The following NCAM2 variants were observed in gnomAD, a reference collection of about 807,000 sequenced individuals.
NCAM2 encodes the protein neural cell adhesion molecule 2, also known as N-CAM-2.
A neutral mutation model predicts 98.1 loss-of-function variants in NCAM2; 30 were observed. That is an observed-to-expected ratio of 0.31 (90% CI 0.23 to 0.41). NCAM2 has a LOEUF of 0.41. NCAM2 is among the 10% of genes least tolerant of loss of function. The pLI, the probability that NCAM2 is intolerant of heterozygous loss-of-function variation, is 1.00. For synonymous variants in NCAM2, 368 were observed against 342.4 expected (o/e 1.07, Z -0.83); for missense variants, 867 against 1,005.8 (o/e 0.86, Z 1.87).
chr21:21,072,021 T>A (rs1012482742), intron 1 of NCAM2, among the ~76,000 whole-genome samples: 1 of 151,996 alleles, frequency 6.6e-6, no homozygotes, highest in African/African-American at 2.4e-5. Context: ...CACGCCATTC[T>A]CCTGCCTCAG....
intron 1 of NCAM2, among the ~76,000 whole-genome samples, chr21:21,243,738 T>C (rs2071158047): frequency 6.6e-6 from 1 of 152,164 alleles, no homozygotes; most frequent in Non-Finnish European, 1.5e-5. Flanking sequence ...AAATCCATAT[T>C]GCATCCACTA....
intron 1 of NCAM2, among the ~76,000 whole-genome samples, chr21:21,012,758 C>T (rs545965173): frequency 4.6e-5 from 7 of 152,076 alleles, no homozygotes; most frequent in South Asian, 4.2e-4. Flanking sequence ...GCAAATCTAT[C>T]GGCCTCATTT....
At position 21,410,261 on chromosome 21, in the gene NCAM2, T is replaced by C; in HGVS notation, c.1196-13T>C. The C allele has an allele frequency of 7.3e-7, 1 of 1,363,164 alleles. No individual in the cohort carries two copies. Among genetic ancestry groups the C allele is most frequent in the Non-Finnish European group, 9.8e-7 (1 of 1,022,962 alleles). 84.4% of individuals were successfully genotyped at this position (1,363,164 alleles called of 1,614,324 possible). On this transcript the variant is annotated splice_polypyrimidine_tract_variant and intron_variant, in intron 9 of 17. Coordinates refer to ENST00000400546, the MANE Select transcript of NCAM2 (RefSeq NM_004540.5). ...GAAAATGCCTATAATTATTTTATTA[T>C]ATTGTATTACAGATGCCCCCAAGTT...
At chr21:21,106,297 G>A (rs1320973870) in intron 1 of NCAM2, among the ~76,000 whole-genome samples, 3 of 70,316 alleles carry the variant, frequency 4.3e-5, no homozygotes, top group African/African-American at 9.1e-5. Flanking sequence ...AACAGAATGA[G>A]AGACATGTCT....
chr21:21,284,829 G>T (rs1207917045), intron 3 of NCAM2, among the ~76,000 whole-genome samples: 1 of 151,462 alleles, frequency 6.6e-6, no homozygotes, highest in African/African-American at 2.4e-5. Context: ...TAGTCAGAAA[G>T]TTGAAACTGA....
At chr21:21,250,580 A>G (rs191926692) in intron 1 of NCAM2, among the ~76,000 whole-genome samples, 2 of 152,328 alleles carry the variant, frequency 1.3e-5, no homozygotes, top group Admixed American at 1.3e-4. Context: ...TGAAGAGACC[A>G]GGTGGAGACC....
In NCAM2 at chr21:21,338,414, A is replaced by G. The variant is rs1332016824; in HGVS notation, c.924A>G (p.Lys308=). ...VFVQPHIIQL[K]NETTYENGQV... ...TACAGCCTCACATAATACAGCTTAA[A>G]AATGAAACTACATATGAGAATGGTC... The change falls in exon 8 of 18, where the codon AAA becomes AAG. Residue 308 remains lysine (K), a synonymous_variant. Coordinates refer to ENST00000400546, the MANE Select transcript of NCAM2 (RefSeq NM_004540.5). 1.2e-6 allele frequency: 2 copies of G among 1,612,168 alleles called. No homozygotes were observed. The highest frequency in any genetic ancestry group is 1.7e-6 in the Non-Finnish European group (2 of 1,178,602).
intron 1 of NCAM2, among the ~76,000 whole-genome samples, chr21:21,230,633 G>GT (rs1204459115): frequency 6.6e-6 from 1 of 151,218 alleles, no homozygotes; most frequent in East Asian, 1.9e-4. Context: ...TTTGTAAATT[G>GT]TTTTGCTGTC....
intron 4 of NCAM2, among the ~76,000 whole-genome samples, chr21:21,291,511 GA>G (rs1248508746): frequency 6.6e-6 from 1 of 151,272 alleles, no homozygotes; most frequent in Admixed American, 6.6e-5. Context: ...ATGGAATCTT[GA>G]AATAAAATAA....
At chr21:21,463,160 G>T (rs1480779322) in intron 12 of NCAM2, among the ~76,000 whole-genome samples, 1 of 152,024 alleles carries the variant, frequency 6.6e-6, no homozygotes, top group Non-Finnish European at 1.5e-5. Flanking sequence ...CCTACCTTGG[G>T]TGTTCAGAAA....
At chr21:21,329,204 C>T (rs184642384) in intron 6 of NCAM2, among the ~76,000 whole-genome samples, 5 of 152,208 alleles carry the variant, frequency 3.3e-5, no homozygotes, top group Admixed American at 3.3e-4. Context: ...GCGTCCGCCT[C>T]CCAAAGTGCT....
intron 3 of NCAM2, among the ~76,000 whole-genome samples, chr21:21,285,700 C>T (rs1474004243): frequency 6.6e-6 from 1 of 151,862 alleles, no homozygotes; most frequent in Non-Finnish European, 1.5e-5. Flanking sequence ...ATTAAAGACA[C>T]TTATTAGGTG....
At chr21:21,244,914 A>T (rs2071207686) in intron 1 of NCAM2, among the ~76,000 whole-genome samples, 3 of 151,638 alleles carry the variant, frequency 2.0e-5, no homozygotes, top group Admixed American at 6.6e-5. Context: ...AACTTCATTT[A>T]ATATCTGTTT....
intron 5 of NCAM2, among the ~76,000 whole-genome samples, chr21:21,299,792 G>A (rs1255835469): frequency 1.3e-5 from 2 of 151,892 alleles, no homozygotes; most frequent in Admixed American, 6.6e-5. Flanking sequence ...GACTCAGCAG[G>A]CTTCACAAAG....
At chr21:21,310,180 A>G (rs1444355) in intron 5 of NCAM2, among the ~76,000 whole-genome samples, 107,737 of 151,980 alleles carry the variant, frequency 0.71, 38,646 homozygotes, top group South Asian at 0.83. Context: ...CTTTATCCAT[A>G]CATCTTGTTC....
Position 21,543,184 on chromosome 21 carries a change from G to C in NCAM2, c.*5227G>C, listed in dbSNP as rs1990302536. On this transcript the variant is annotated 3_prime_UTR_variant, in exon 18 of 18. Transcript: ENST00000400546. ...ATATGGTATGTCCCAATGAAATGCT[G>C]TATATATATGTCTAAACTGTAAAAA... The C allele has an allele frequency of 6.6e-6, 1 of 151,692 alleles. No homozygotes were observed. Among genetic ancestry groups the C allele is most frequent in the African/African-American group, 2.4e-5 (1 of 41,376 alleles). 9.4% of individuals were successfully genotyped at this position (151,692 alleles called of 1,614,324 possible).
intron 1 of NCAM2, among the ~76,000 whole-genome samples, chr21:21,202,519 C>T (rs926684341): frequency 1.0e-4 from 15 of 143,336 alleles, no homozygotes; most frequent in African/African-American, 1.0e-4. Flanking sequence ...CAGGTTCAAG[C>T]GGTTCTCCTG....
At chr21:21,277,579 G>T (rs2147474412) in intron 1 of NCAM2, among the ~76,000 whole-genome samples, 1 of 152,222 alleles carries the variant, frequency 6.6e-6, no homozygotes, top group South Asian at 2.1e-4. Context: ...GTCAGTTGGG[G>T]AGAGGAGAGA....
At chr21:21,212,901 T>C (rs1433194372) in intron 1 of NCAM2, among the ~76,000 whole-genome samples, 2 of 151,834 alleles carry the variant, frequency 1.3e-5, no homozygotes, top group Non-Finnish European at 2.9e-5. Context: ...CGACACCACG[T>C]GGGGCTAATT....
Sources: allele counts gnomAD v4.1 joint callset (sites outside exome capture counted in the v4.1 genomes callset), GRCh38; gene constraint gnomAD v4.1.1; transcripts MANE v1.5; gene names NCBI Gene and HGNC (gene_info 2026-07-23, HGNC 2026-07-21).